The following DHX38 variants were observed in gnomAD, a reference collection of about 807,000 sequenced individuals.
The protein encoded by DHX38 is pre-mRNA-splicing factor ATP-dependent RNA helicase PRP16.
In DHX38, 100 loss-of-function variants were observed where a neutral mutation model predicts 153.1. The ratio of observed to expected loss-of-function variants is 0.65; its 90% CI spans 0.56 to 0.77. The LOEUF (loss-of-function observed/expected upper bound fraction) is 0.77. Ranked by LOEUF, DHX38 falls within the 30% of genes least tolerant of loss-of-function variation. The probability of loss-of-function intolerance (pLI) is 0.00; values close to 1 mark genes in which losing one functional copy is unlikely to be tolerated. For missense variants in DHX38, 1,440 were observed against 1,654.0 expected (o/e 0.87, Z 2.24); for synonymous variants, 650 against 631.7 (o/e 1.03, Z -0.43).
rs748581579 is a variant in DHX38 at position 72,104,303 on chromosome 16, T to C, written c.2010+172T>C. The C allele has an allele frequency of 6.9e-5, 82 of 1,185,968 alleles. No homozygotes were observed. The highest frequency in any genetic ancestry group is 8.7e-5 in the Non-Finnish European group (75 of 863,684). 73.5% of individuals were successfully genotyped at this position (1,185,968 alleles called of 1,614,324 possible). On this transcript the variant is annotated intron_variant, in intron 14 of 26. Coordinates refer to ENST00000268482, the MANE Select transcript of DHX38 (RefSeq NM_014003.4). The surrounding 1 kb of genome is among the most constrained non-coding windows in gnomAD (Gnocchi z 4.5). ...GTAGTTCATGCTGTTCTTGCTCTGC[T>C]GAGGGTGGCTTGGGGTTTTCTGGGC...
At chr16:72,097,352 C>A in intron 3 of DHX38, 1 of 399,844 alleles carries the variant, frequency 2.5e-6, no homozygotes, top group Non-Finnish European at 4.6e-6. Flanking sequence ...CAAAAAAATC[C>A]AATGCTGTCC....
Position 72,097,820 on chromosome 16 carries a change from G to A in DHX38, c.616+39G>A, listed in dbSNP as rs757762935. The A allele has an allele frequency of 5.8e-6, 9 of 1,560,932 alleles. No homozygotes were observed. In the African/African-American group the frequency reaches 1.3e-4, roughly 22 times the overall value. On this transcript the variant is annotated intron_variant, in intron 4 of 26. Coordinates refer to ENST00000268482, the MANE Select transcript of DHX38 (RefSeq NM_014003.4). ...TTTGGTGGCTTGTGAGGATTCAAGT[G>A]TATAAAAGGCAGAGTGAGTGACTCT...
chr16:72,097,806 G>C, intron 4 of DHX38, 25 bp downstream of exon 4: 2 of 1,599,710 alleles, frequency 1.3e-6, no homozygotes, highest in Non-Finnish European at 1.7e-6. Context: ...TTGGTGGCTT[G>C]TGAGGATTCA....
intron 2 of DHX38, 76 bp downstream of exon 2, chr16:72,096,556 A>G: frequency 6.8e-7 from 1 of 1,477,788 alleles, no homozygotes; most frequent in Non-Finnish European, 8.9e-7. Flanking sequence ...TTTATCTCTC[A>G]GTTTTCCTGT....
Position 72,107,077 on chromosome 16 carries a change from G to A in DHX38, c.2601-263G>A, listed in dbSNP as rs1002484205. Among the ~76,000 whole-genome samples, 1 of 152,188 alleles carries A rather than the reference G, an allele frequency of 6.6e-6. No homozygotes were observed. The highest frequency in any genetic ancestry group is 1.5e-5 in the Non-Finnish European group (1 of 68,042). Reference sequence around the variant, plus strand: ...CCAGCTACTCGGGAGGCTGAGGCAGGAGAATCGCTTAAATCCGGGAGGCAG... The same window carrying A: ...CCAGCTACTCGGGAGGCTGAGGCAGAAGAATCGCTTAAATCCGGGAGGCAG... On this transcript the variant is annotated intron_variant, in intron 19 of 26. Transcript: ENST00000268482. The surrounding 1 kb of genome is among the most constrained non-coding windows in gnomAD (Gnocchi z 5.3).
rs531838200 is a variant in DHX38 at position 72,110,762 on chromosome 16, G to A, written c.3478-194G>A. On this transcript the variant is annotated intron_variant, in intron 25 of 26. Coordinates refer to ENST00000268482, the MANE Select transcript of DHX38 (RefSeq NM_014003.4). ...TGACTGAGTTAGGACTGATTGTCCA[G>A]TGTCTTGAGTCAGTGAAAAAAGCAG... Among the ~76,000 whole-genome samples, 34 of 152,372 alleles carry A rather than the reference G, an allele frequency of 2.2e-4. No individual in the cohort carries two copies. The South Asian group carries it at 6.4e-3, about 29-fold the overall frequency.
At chr16:72,106,371 C>T (rs956392140) in intron 19 of DHX38, among the ~76,000 whole-genome samples, 21 of 151,892 alleles carry the variant, frequency 1.4e-4, no homozygotes, top group Non-Finnish European at 5.9e-5. Flanking sequence ...CAGCCTGCCT[C>T]CCTTCAGAGG....
At chr16:72,106,232 T>G in intron 19 of DHX38, 115 bp downstream of exon 19, 1 of 931,736 alleles carries the variant, frequency 1.1e-6, no homozygotes, top group Non-Finnish European at 1.6e-6. Context: ...GGCTGGAAGC[T>G]GCTGGCAGGG....
At chr16:72,099,581 G>A in intron 7 of DHX38, 151 bp from the exon 8 acceptor site, 1 of 1,044,946 alleles carries the variant, frequency 9.6e-7, no homozygotes. Flanking sequence ...CAGATGGCAT[G>A]TGTCTGCAGG....
rs1414694891 is a variant in DHX38, at chr16:72,108,868, T to C, written c.3324T>C (p.Phe1108=). 6.2e-7 allele frequency: 1 copy of C among 1,614,018 alleles called. No individual in the cohort carries two copies. Among genetic ancestry groups the C allele is most frequent in the Admixed American group, 1.7e-5 (1 of 59,966 alleles). Residue 1108 remains phenylalanine (F), a synonymous_variant, in exon 24 of 27, where the codon TTT becomes TTC. Transcript: ENST00000268482. ...PCHLHPTSSL[F]GMGYTPDYIV... ...ACTTGCACCCCACCAGCTCCCTTTT[T>C]GGAATGGGCTACACCCCAGATTACA... is the stretch of plus-strand genomic sequence containing the variant.
Position 72,099,223 on chromosome 16 carries a change from A to G in DHX38, c.903A>G (p.Glu301=). The G allele has an allele frequency of 1.2e-6, 2 of 1,612,510 alleles. No individual in the cohort carries two copies. The highest frequency in any genetic ancestry group is 1.7e-6 in the Non-Finnish European group (2 of 1,179,492). ...CTCCAGGAAGACGTGAGGAGGGCGA[A>G]GAAGGAATTTCATTTGACACGGAGG... is the stretch of plus-strand genomic sequence containing the variant. ...SRGRGRREEG[E]EGISFDTEEE... is the part of the protein sequence containing the mutation. The change falls in exon 7 of 27, where the codon GAA becomes GAG. Residue 301 remains glutamate (E), a synonymous_variant. Coordinates refer to ENST00000268482, the MANE Select transcript of DHX38 (RefSeq NM_014003.4).
Position 72,105,212 on chromosome 16 carries a change from G to T in DHX38, c.2263-20G>T, listed in dbSNP as rs369747835. The T allele has an allele frequency of 1.2e-6, 2 of 1,613,860 alleles. No individual in the cohort carries two copies. Among genetic ancestry groups the T allele is most frequent in the African/African-American group, 2.7e-5 (2 of 74,918 alleles). ...GAGGTTAGGGTTCCAGTGTCTCACA[G>T]CTCCTCCCTGGGCTCTCAGGTGACC... On this transcript the variant is annotated intron_variant, in intron 16 of 26. Transcript: ENST00000268482.
At position 72,107,561 on chromosome 16, in the gene DHX38, C is replaced by G. The variant is rs777260125; in HGVS notation, c.2809+13C>G. 1.4e-5 allele frequency: 23 copies of G among 1,610,462 alleles called. No individual in the cohort carries two copies. In the East Asian group the frequency reaches 5.1e-4, roughly 36 times the overall value. ...CTGGACAACACAGGTGAGGCGGCCC[C>G]GGGAGCCTCATGGGTGCTGGCGCTT... On this transcript the variant is annotated intron_variant, in intron 20 of 26. Transcript: ENST00000268482. The surrounding 1 kb of genome is among the most constrained non-coding windows in gnomAD (Gnocchi z 5.3).
chr16:72,096,102 G>A, intron 1 of DHX38, 37 bp from the exon 2 acceptor site: 2 of 1,544,842 alleles, frequency 1.3e-6, no homozygotes, highest in Admixed American at 1.8e-5. Flanking sequence ...GTAGAGCTGA[G>A]CCTTCTCTAG....
intron 25 of DHX38, 89 bp downstream of exon 25, chr16:72,109,599 A>G (rs1301437841): frequency 1.6e-6 from 2 of 1,223,644 alleles, no homozygotes; most frequent in African/African-American, 1.6e-5. Flanking sequence ...CGGTCATCCA[A>G]CCCACTTACT....
At position 72,099,221 on chromosome 16, in the gene DHX38, G is replaced by C. The variant is rs61749037; in HGVS notation, c.901G>C (p.Glu301Gln). 2 of 1,612,284 alleles carry C rather than the reference G, an allele frequency of 1.2e-6. No homozygotes were observed. The highest frequency in any genetic ancestry group is 1.7e-6 in the Non-Finnish European group (2 of 1,179,410). Residue 301 changes from glutamate to glutamine, a missense_variant, in exon 7 of 27, where the codon GAA (glutamate) becomes CAA (glutamine). Around this residue, in one of 6 missense-constraint regions of DHX38, gnomAD observed 483 missense variants for 465.1 expected, o/e 1.04. Transcript: ENST00000268482. ...TCCTCCAGGAAGACGTGAGGAGGGC[G>C]AAGAAGGAATTTCATTTGACACGGA... ...SRGRGRREEGEEGISFDTEEE... is the reference protein window; with the variant it reads ...SRGRGRREEGQEGISFDTEEE...
chr16:72,097,255 G>T, intron 3 of DHX38: 1 of 442,164 alleles, frequency 2.3e-6, no homozygotes, highest in Non-Finnish European at 4.0e-6. Context: ...GATGATAAAG[G>T]AGATAATGGG....
intron 1 of DHX38, among the ~76,000 whole-genome samples, chr16:72,095,696 G>T (rs1398165799): frequency 6.6e-6 from 1 of 152,168 alleles, no homozygotes; most frequent in Non-Finnish European, 1.5e-5. Context: ...GCTAAACAAA[G>T]ATTAAGTTAT....
chr16:72,094,111 C>A (rs2041968366), intron 1 of DHX38, 60 bp downstream of exon 1: 1 of 152,548 alleles, frequency 6.6e-6, no homozygotes, highest in Admixed American at 6.5e-5. Context: ...CTCTAGGCGG[C>A]GGATATTGGT....
Sources: gnomAD v4.1 joint callset for allele counts (sites outside exome capture counted in the v4.1 genomes callset) on GRCh38, gnomAD v4.1.1 for gene constraint, gnomAD v4.1.1 regional missense constraint, Gnocchi (gnomAD v3.1) non-coding constraint, MANE v1.5 for transcripts, NCBI Gene and HGNC (gene_info 2026-07-23, HGNC 2026-07-21) for gene names.